The following IAPP variants were observed in gnomAD, a reference collection of about 807,000 sequenced individuals.
The protein encoded by IAPP is islet amyloid polypeptide.
Under a neutral mutation model 2.9 loss-of-function variants are expected in IAPP, and 4 were observed. The ratio of observed to expected loss-of-function variants is 1.39; its 90% CI spans 0.69 to 3.19. The LOEUF is 3.19. Ranked by LOEUF, IAPP falls within the 30% of genes most tolerant of loss-of-function variation. The pLI, the probability that IAPP is intolerant of heterozygous loss-of-function variation, is 0.01. For synonymous variants in IAPP, 40 were observed against 42.1 expected (o/e 0.95, Z 0.19); for missense variants, 114 against 105.3 (o/e 1.08, Z -0.36).
At chr12:21,376,977 A>G (rs937980565) in intron 2 of IAPP, among the ~76,000 whole-genome samples, 5 of 152,166 alleles carry the variant, frequency 3.3e-5, no homozygotes, top group Non-Finnish European at 7.4e-5. Flanking sequence ...TCCATTTCCG[A>G]TATCGTTTTA....
chr12:21,361,220 G>A (rs1938843334), intron 1 of IAPP, among the ~76,000 whole-genome samples: 1 of 152,194 alleles, frequency 6.6e-6, no homozygotes, highest in Non-Finnish European at 1.5e-5. Flanking sequence ...AACATCTGCT[G>A]TTCTGCAATA....
chr12:21,373,510 T>C (rs1028031902), intron 2 of IAPP, 79 bp downstream of exon 2: 4 of 938,162 alleles, frequency 4.3e-6, no homozygotes, highest in Non-Finnish European at 7.0e-6. Flanking sequence ...GTCAAATAAC[T>C]ACAGCCTTAG....
At chr12:21,374,796 T>TTA (rs988855552) in intron 2 of IAPP, among the ~76,000 whole-genome samples, 2 of 151,408 alleles carry the variant, frequency 1.3e-5, no homozygotes, top group Non-Finnish European at 2.9e-5. Context: ...CCCTCTCTTT[T>TTA]TTTTATTTTA....
rs1940460857 is a variant in IAPP, at chr12:21,379,636, G to C, written c.*1210G>C. 6.6e-6 allele frequency: 1 copy of C among 152,126 alleles called. No homozygotes were observed. Among genetic ancestry groups the C allele is most frequent in the African/African-American group, 2.4e-5 (1 of 41,416 alleles). The allele number at this position is 152,126 out of a possible 1,614,324, so 9.4% of individuals were successfully genotyped here. On this transcript the variant is annotated 3_prime_UTR_variant, in exon 3 of 3. Coordinates refer to ENST00000240652, the MANE Select transcript of IAPP (RefSeq NM_000415.3). ...TTGAGTCAGATTCTTATGAATATCT[G>C]CTTTTCCCTGACTTTGAGTTAGGTA...
chr12:21,361,765 C>T (rs12824084), intron 1 of IAPP, among the ~76,000 whole-genome samples: 26,435 of 151,834 alleles, frequency 0.17, 2,537 homozygotes, highest in East Asian at 0.41. Flanking sequence ...CTTCAGTAGC[C>T]GATTTGATCA....
chr12:21,367,424 T>C (rs1215922248), intron 1 of IAPP, among the ~76,000 whole-genome samples: 3 of 151,898 alleles, frequency 2.0e-5, no homozygotes, highest in Non-Finnish European at 4.4e-5. Flanking sequence ...AGCAGTCAGT[T>C]TGGAGAAAAG....
At chr12:21,363,679 T>C (rs1354323103) in intron 1 of IAPP, among the ~76,000 whole-genome samples, 1 of 151,660 alleles carries the variant, frequency 6.6e-6, no homozygotes, top group Non-Finnish European at 1.5e-5. Flanking sequence ...AAGAGAGAAG[T>C]GTCAAACAGA....
At chr12:21,366,616 G>A (rs1161623804) in intron 1 of IAPP, among the ~76,000 whole-genome samples, 1 of 151,950 alleles carries the variant, frequency 6.6e-6, no homozygotes, top group Non-Finnish European at 1.5e-5. Flanking sequence ...TGAAGGAAAT[G>A]AAGACCACAA....
upstream of IAPP, among the ~76,000 whole-genome samples, chr12:21,368,597 CT>C (rs1939561705): frequency 6.6e-6 from 1 of 151,962 alleles, no homozygotes; most frequent in Non-Finnish European, 1.5e-5. Context: ...ATGTCCTTAT[CT>C]TTTATAGCAC....
At chr12:21,356,574 T>C (rs1227258484) in intron 1 of IAPP, among the ~76,000 whole-genome samples, 1 of 152,050 alleles carries the variant, frequency 6.6e-6, no homozygotes, top group African/African-American at 2.4e-5. Flanking sequence ...TTCAGAGCTT[T>C]TGAAAAAGCA....
intron 1 of IAPP, 22 bp from the exon 2 acceptor site, chr12:21,373,315 A>G: frequency 6.0e-6 from 8 of 1,343,536 alleles, no homozygotes; most frequent in Non-Finnish European, 8.6e-6. Flanking sequence ...TCTTGATTTC[A>G]GTGCTGGATT....
In IAPP at chr12:21,372,905, G is replaced by A. The variant is rs901842666; in HGVS notation, c.-115G>A. The A allele has an allele frequency of 1.5e-5, 3 of 198,924 alleles. No individual in the cohort carries two copies. Among genetic ancestry groups the A allele is most frequent in the Non-Finnish European group, 2.0e-5 (2 of 98,318 alleles). 12.3% of individuals were successfully genotyped at this position (198,924 alleles called of 1,614,324 possible). A position where few individuals can be genotyped will look rare whatever the true frequency, so the allele number is the denominator to read the frequency against. On this transcript the variant is annotated 5_prime_UTR_variant, in exon 1 of 3. Transcript: ENST00000240652. ...GCTGGATTACTAGTTAGCAAATGAG[G>A]GGGTAAATATTCCAGTGGATACAAG... is the stretch of plus-strand genomic sequence containing the variant.
upstream of IAPP, among the ~76,000 whole-genome samples, chr12:21,368,035 CA>C (rs1461781095): frequency 6.6e-6 from 1 of 152,094 alleles, no homozygotes; most frequent in Non-Finnish European, 1.5e-5. Context: ...AGGCAATTAT[CA>C]GCAAAGATTG....
upstream of IAPP, among the ~76,000 whole-genome samples, chr12:21,371,453 G>C (rs915987094): frequency 2.0e-5 from 3 of 151,760 alleles, no homozygotes; most frequent in Non-Finnish European, 2.9e-5. Context: ...TAAAATTGTA[G>C]AATCATTGAA....
rs190280667 is a variant in IAPP at position 21,356,218 on chromosome 12, T to A, written c.-16+1205T>A. ...TGATGGTTTATGTAAGAATTAAATT[T>A]AAAATATTTATATATAATTCTTGAA... On this transcript the variant is annotated intron_variant, in intron 1 of 2. Transcript: ENST00000539393. 1.4e-4 allele frequency among the ~76,000 whole-genome samples: 22 copies of A among 152,088 alleles called. No individual in the cohort carries two copies. In the East Asian group the frequency reaches 4.0e-3, roughly 28 times the overall value.
intron 1 of IAPP, among the ~76,000 whole-genome samples, chr12:21,360,726 A>G (rs1938780975): frequency 6.6e-6 from 1 of 152,208 alleles, no homozygotes; most frequent in African/African-American, 2.4e-5. Flanking sequence ...CAAATGGCAC[A>G]CCAGGAGATT....
In IAPP at chr12:21,373,427, G is replaced by C; in HGVS notation, c.76G>C (p.Glu26Gln). The C allele has an allele frequency of 1.2e-6, 2 of 1,609,232 alleles. No homozygotes were observed. Among genetic ancestry groups the C allele is most frequent in the Non-Finnish European group, 1.7e-6 (2 of 1,175,730 alleles). Residue 26 changes from glutamate to glutamine, a missense_variant, in exon 2 of 3, where the codon GAA (glutamate) becomes CAA (glutamine). Physicochemically the swap from Glu to Gln is conservative, Grantham distance 29. Transcript: ENST00000240652. ...GAACCATCTGAAAGCTACACCCATTGAAAGGTTGGTAACTTTAAAATCCTG... is the reference window on the plus strand; with the variant it reads ...GAACCATCTGAAAGCTACACCCATTCAAAGGTTGGTAACTTTAAAATCCTG... The part of the protein sequence containing the change: ...ALNHLKATPI[E>Q]SHQVEKRKCN...
upstream of IAPP, among the ~76,000 whole-genome samples, chr12:21,371,792 T>C (rs7304919): frequency 0.25 from 38,148 of 151,862 alleles, 5,750 homozygotes; most frequent in African/African-American, 0.43. Context: ...CACCTGAGGT[T>C]GGGAGTTCGA....
intron 2 of IAPP, among the ~76,000 whole-genome samples, chr12:21,375,044 C>A (rs1940090678): frequency 6.6e-6 from 1 of 152,112 alleles, no homozygotes; most frequent in South Asian, 2.1e-4. Context: ...TGTCAAACTC[C>A]TGGGCTCAAG....
Sources: gnomAD v4.1 joint callset for allele counts (sites outside exome capture counted in the v4.1 genomes callset) on GRCh38, gnomAD v4.1.1 for gene constraint, MANE v1.5 for transcripts, NCBI Gene and HGNC (gene_info 2026-07-23, HGNC 2026-07-21) for gene names.